Variants in HEMK2 observed in about 807,000 individuals in gnomAD.
HEMK2 encodes the protein HemK methyltransferase 2, ETF1 glutamine and histone H4 lysine.
the HEMK2 span, among the ~76,000 whole-genome samples, chr21:28,617,258 T>C: frequency 6.6e-6 from 1 of 152,102 alleles, no homozygotes; most frequent in African/African-American, 2.4e-5. Context: ...CAGTTTAGCA[T>C]TGAGAAACTG....
chr21:28,864,858 GATAGATA>G, the HEMK2 span, among the ~76,000 whole-genome samples: 190 of 133,024 alleles, frequency 1.4e-3, 3 homozygotes, highest in African/African-American at 5.2e-3. Flanking sequence ...TAGATAGATA[GATAGATA>G]GATGGATGAT....
the HEMK2 span, among the ~76,000 whole-genome samples, chr21:28,650,387 T>G: frequency 6.7e-6 from 1 of 149,914 alleles, no homozygotes. Flanking sequence ...AGGGTAAGAC[T>G]CCATCTCAAA....
the HEMK2 span, among the ~76,000 whole-genome samples, chr21:28,631,562 A>G: frequency 6.6e-6 from 1 of 152,196 alleles, no homozygotes; most frequent in Admixed American, 6.5e-5. Context: ...AAAGTTTCAT[A>G]AAGCAAGAAA....
chr21:28,794,422 CACAGTCAATTCAACAGGAATGT>C, the HEMK2 span, among the ~76,000 whole-genome samples: 1 of 152,164 alleles, frequency 6.6e-6, no homozygotes, highest in Non-Finnish European at 1.5e-5. Context: ...GTTGGGACAG[CACAGTCAATTCAACAGGAATGT>C]TTATGAGTTG....
the HEMK2 span, among the ~76,000 whole-genome samples, chr21:28,651,824 T>G: frequency 6.6e-6 from 1 of 152,110 alleles, no homozygotes; most frequent in East Asian, 1.9e-4. Flanking sequence ...TAATAGAAAT[T>G]TAAATAAAAG....
chr21:28,855,450 A>G, the HEMK2 span, among the ~76,000 whole-genome samples: 25 of 152,196 alleles, frequency 1.6e-4, no homozygotes, highest in Non-Finnish European at 2.9e-5. Flanking sequence ...TAGCCAGACC[A>G]TTAAGGTAGA....
chr21:28,587,131 T>G, the HEMK2 span, among the ~76,000 whole-genome samples: 45,335 of 149,752 alleles, frequency 0.3, 8,644 homozygotes, highest in African/African-American at 0.55. Flanking sequence ...TATTTTATAG[T>G]AACACATGGG....
chr21:28,711,027 T>A, the HEMK2 span, among the ~76,000 whole-genome samples: 2 of 152,174 alleles, frequency 1.3e-5, no homozygotes, highest in East Asian at 3.8e-4. Flanking sequence ...AGCCTTGTTA[T>A]TTTTTACTTT....
At chr21:28,844,111 G>T in the HEMK2 span, among the ~76,000 whole-genome samples, 1 of 151,962 alleles carries the variant, frequency 6.6e-6, no homozygotes, top group African/African-American at 2.4e-5. Flanking sequence ...ACATTTAAAC[G>T]TAATACATAT....
the HEMK2 span, among the ~76,000 whole-genome samples, chr21:28,708,126 A>C: frequency 1.3e-5 from 2 of 152,168 alleles, no homozygotes; most frequent in African/African-American, 2.4e-5. Flanking sequence ...TCCAGATTCC[A>C]TGATTTTTAA....
At chr21:28,603,545 ATATATGTG>A in the HEMK2 span, among the ~76,000 whole-genome samples, 89 of 95,646 alleles carry the variant, frequency 9.3e-4, no homozygotes, top group African/African-American at 3.4e-3. Context: ...TACTGAGGAT[ATATATGTG>A]TGTGTGTGTG....
chr21:28,785,505 T>C, the HEMK2 span, among the ~76,000 whole-genome samples: 5 of 152,236 alleles, frequency 3.3e-5, no homozygotes, highest in Non-Finnish European at 7.3e-5. Flanking sequence ...AGGTTTGCCA[T>C]GTAACATTAA....
chr21:28,840,971 GGATA>G, the HEMK2 span, among the ~76,000 whole-genome samples: 3 of 124,212 alleles, frequency 2.4e-5, no homozygotes, highest in East Asian at 4.5e-4. Context: ...ATCAATGGAT[GGATA>G]AAGACACTGT....
chr21:28,633,275 A>C, the HEMK2 span, among the ~76,000 whole-genome samples: 1 of 152,206 alleles, frequency 6.6e-6, no homozygotes, highest in Non-Finnish European at 1.5e-5. Flanking sequence ...GCATAGTCAC[A>C]AAGAGAAAAT....
At chr21:28,671,605 A>G in the HEMK2 span, among the ~76,000 whole-genome samples, 1 of 152,260 alleles carries the variant, frequency 6.6e-6, no homozygotes, top group East Asian at 1.9e-4. Context: ...GTGTGGTAGG[A>G]GTGGGGTGGG....
chr21:28,725,067 GATTA>G, the HEMK2 span, among the ~76,000 whole-genome samples: 1 of 152,040 alleles, frequency 6.6e-6, no homozygotes, highest in African/African-American at 2.4e-5. Flanking sequence ...ACCTTTTTAA[GATTA>G]ATTTCTTTAA....
At chr21:28,611,677 GCAGATGGATCACTTGAGGT>G in the HEMK2 span, among the ~76,000 whole-genome samples, 1 of 152,056 alleles carries the variant, frequency 6.6e-6, no homozygotes, top group Admixed American at 6.5e-5. Flanking sequence ...GGAGGCTGAG[GCAGATGGATCACTTGAGGT>G]CAGGAGTTCA....
At chr21:28,651,094 G>A in the HEMK2 span, among the ~76,000 whole-genome samples, 2 of 152,188 alleles carry the variant, frequency 1.3e-5, no homozygotes, top group Non-Finnish European at 1.5e-5. Flanking sequence ...TATTCAGGAA[G>A]ATAGTTAGAG....
the HEMK2 span, among the ~76,000 whole-genome samples, chr21:28,691,228 C>T: frequency 7.2e-6 from 1 of 139,530 alleles, no homozygotes; most frequent in East Asian, 2.3e-4. Context: ...TATTGATTAC[C>T]CAGTGAGACA....
Sources: allele counts gnomAD v4.1 joint callset (sites outside exome capture counted in the v4.1 genomes callset), GRCh38; gene constraint gnomAD v4.1.1; transcripts MANE v1.5; gene names NCBI Gene and HGNC (gene_info 2026-07-23, HGNC 2026-07-21).